KIRREL3: variants seen among roughly 807,000 people sequenced by gnomAD.
The protein encoded by KIRREL3 is kirre like nephrin family adhesion molecule 3, also known as kin of IRRE-like protein 3.
KIRREL3 carries 36 observed loss-of-function variants against 89.7 expected under a neutral mutation model. The ratio of observed to expected loss-of-function variants is 0.40; its 90% CI spans 0.31 to 0.53. KIRREL3 has a LOEUF of 0.53. Among genes scored for constraint, KIRREL3 ranks in the 20% least tolerant of loss-of-function variants. The probability of loss-of-function intolerance (pLI) is 0.49; values close to 1 mark genes in which losing one functional copy is unlikely to be tolerated. For missense variants in KIRREL3, 864 were observed against 1,056.6 expected (o/e 0.82, Z 2.53); for synonymous variants, 445 against 441.4 (o/e 1.01, Z -0.10).
rs1489706843 is a variant in KIRREL3, at chr11:126,896,716, C to T, written c.55+103739G>A. Among the ~76,000 whole-genome samples, 1 of 152,118 alleles carries T rather than the reference C, an allele frequency of 6.6e-6. No individual in the cohort carries two copies. Among genetic ancestry groups the T allele is most frequent in the African/African-American group, 2.4e-5 (1 of 41,434 alleles). On this transcript the variant is annotated intron_variant, in intron 1 of 16. Coordinates refer to ENST00000525144, the MANE Select transcript of KIRREL3 (RefSeq NM_032531.4). The surrounding 1 kb of genome is among the most constrained non-coding windows in gnomAD (Gnocchi z 4.1). The stretch of plus-strand genomic sequence containing the variant: ...TCTCAGACACCCAGGGGAGGGGTTC[C>T]ATGGCCACAGCAAGCTCTCTGGCAG...
intron 1 of KIRREL3, among the ~76,000 whole-genome samples, chr11:126,901,991 G>A (rs928214892): frequency 1.3e-5 from 2 of 152,156 alleles, no homozygotes; most frequent in African/African-American, 4.8e-5. Context: ...TCATAGGGCT[G>A]GGCCCTGCCT....
intron 1 of KIRREL3, among the ~76,000 whole-genome samples, chr11:126,633,227 G>A (rs1424582566): frequency 6.6e-6 from 1 of 152,166 alleles, no homozygotes; most frequent in African/African-American, 2.4e-5. Flanking sequence ...GGCCTGTTGT[G>A]GGGTGGGGGT....
In KIRREL3 at chr11:126,471,455, C is replaced by A. The variant is rs887487516; in HGVS notation, c.591+1854G>T. Reference sequence around the variant, plus strand: ...AAGACAGTTTGCTACTCATAGTTCCCAGAGGAAGGGGAGGCCCCAGGGTCA... The same window carrying A: ...AAGACAGTTTGCTACTCATAGTTCCAAGAGGAAGGGGAGGCCCCAGGGTCA... On this transcript the variant is annotated intron_variant, in intron 5 of 16. Transcript: ENST00000525144. This position sits in a 1 kb window ranked among gnomAD's most constrained non-coding sequence, Gnocchi z 5.4. 1.3e-5 allele frequency among the ~76,000 whole-genome samples: 2 copies of A among 151,678 alleles called. No homozygotes were observed. Among genetic ancestry groups the A allele is most frequent in the Non-Finnish European group, 2.9e-5 (2 of 67,866 alleles).
Position 126,747,459 on chromosome 11 carries a change from C to A in KIRREL3, c.56-184547G>T, listed in dbSNP as rs1436787266. 7.9e-5 allele frequency among the ~76,000 whole-genome samples: 12 copies of A among 152,150 alleles called. No homozygotes were observed. Among genetic ancestry groups the A allele is most frequent in the Non-Finnish European group, 5.9e-5 (4 of 68,032 alleles). On this transcript the variant is annotated intron_variant, in intron 1 of 16. Coordinates refer to ENST00000525144, the MANE Select transcript of KIRREL3 (RefSeq NM_032531.4). The surrounding 1 kb of genome is among the most constrained non-coding windows in gnomAD (Gnocchi z 4.7). ...ACCATTCTCTGATTAAGTCATGCAA[C>A]CTCATCGCCACTACCTGGGACTGTC...
chr11:126,851,108 T>C (rs1363426046), intron 1 of KIRREL3, among the ~76,000 whole-genome samples: 1 of 152,222 alleles, frequency 6.6e-6, no homozygotes, highest in Non-Finnish European at 1.5e-5. Flanking sequence ...AAAAGAATTC[T>C]GTATAAAGAA....
At chr11:126,433,134 C>A (rs989117287) in intron 13 of KIRREL3, among the ~76,000 whole-genome samples, 1 of 152,230 alleles carries the variant, frequency 6.6e-6, no homozygotes. Flanking sequence ...CCGCCTCAGC[C>A]TCCGAAAGTG....
In KIRREL3 at chr11:126,622,011, G is replaced by C. The variant is rs1424087224; in HGVS notation, c.56-59099C>G. 6.6e-6 allele frequency among the ~76,000 whole-genome samples: 1 copy of C among 152,152 alleles called. No individual in the cohort carries two copies. Among genetic ancestry groups the C allele is most frequent in the Non-Finnish European group, 1.5e-5 (1 of 68,038 alleles). On this transcript the variant is annotated intron_variant, in intron 1 of 16. Transcript: ENST00000525144. The surrounding 1 kb of genome is among the most constrained non-coding windows in gnomAD (Gnocchi z 5.2). ...GTACATTGTAGTCTCTGGGACTGTTGGTTGTATTTCTGGACAGTTGAGGTG... is the reference window on the plus strand; with the variant it reads ...GTACATTGTAGTCTCTGGGACTGTTCGTTGTATTTCTGGACAGTTGAGGTG...
At chr11:126,743,759 A>G (rs1299666150) in intron 1 of KIRREL3, among the ~76,000 whole-genome samples, 1 of 152,210 alleles carries the variant, frequency 6.6e-6, no homozygotes, top group East Asian at 1.9e-4. Context: ...TGATTATTAC[A>G]TGAGATAATC....
intron 10 of KIRREL3, 125 bp from the exon 11 acceptor site, chr11:126,440,674 A>C (rs1955529779): frequency 1.2e-6 from 1 of 869,266 alleles, no homozygotes; most frequent in Non-Finnish European, 1.9e-6. Flanking sequence ...GAAGGCCTGT[A>C]TGTGCAAGGT....
intron 12 of KIRREL3, among the ~76,000 whole-genome samples, chr11:126,435,784 CCA>C (rs1279256800): frequency 6.6e-6 from 1 of 152,104 alleles, no homozygotes; most frequent in Non-Finnish European, 1.5e-5. Context: ...CCAGCTGAGA[CCA>C]CCCACTTGGC....
chr11:126,984,480 C>T (rs1949802087), intron 1 of KIRREL3, among the ~76,000 whole-genome samples: 1 of 152,172 alleles, frequency 6.6e-6, no homozygotes, highest in Non-Finnish European at 1.5e-5. Context: ...AGGGGGGTCA[C>T]AGCCTATGGA....
chr11:126,752,207 TG>T lies in KIRREL3; in HGVS notation c.56-189296del, dbSNP rs915811539. 9.8e-6 allele frequency among the ~76,000 whole-genome samples: 1 copy of T among 102,390 alleles called. No homozygotes were observed. Among genetic ancestry groups the T allele is most frequent in the South Asian group, 2.7e-4 (1 of 3,652 alleles). 67.2% of individuals were successfully genotyped at this position (102,390 alleles called of 152,430 possible). ...TTTCCCAGGCTCAGCGTGGGTTGGT[TG>T]GGGGGGTTTCTTGAAGCATTGTAGC... On this transcript the variant is annotated intron_variant, in intron 1 of 16. Transcript: ENST00000525144. This position sits in a 1 kb window ranked among gnomAD's most constrained non-coding sequence, Gnocchi z 4.8.
chr11:126,812,485 G>T lies in KIRREL3; in HGVS notation c.55+187970C>A, dbSNP rs1951423753. 6.6e-6 allele frequency among the ~76,000 whole-genome samples: 1 copy of T among 152,168 alleles called. No individual in the cohort carries two copies. The highest frequency in any genetic ancestry group is 1.5e-5 in the Non-Finnish European group (1 of 68,040). On this transcript the variant is annotated intron_variant, in intron 1 of 16. Coordinates refer to ENST00000525144, the MANE Select transcript of KIRREL3 (RefSeq NM_032531.4). The surrounding 1 kb of genome is among the most constrained non-coding windows in gnomAD (Gnocchi z 5.2). Reference sequence around the variant, plus strand: ...GGTGAACCCTGAGCATCTTTCCCATGAAAGGCAAGACAGATGCACACGAGT... The same window carrying T: ...GGTGAACCCTGAGCATCTTTCCCATTAAAGGCAAGACAGATGCACACGAGT...
At chr11:126,821,629 G>A (rs528149987) in intron 1 of KIRREL3, among the ~76,000 whole-genome samples, 135 of 151,978 alleles carry the variant, frequency 8.9e-4, no homozygotes, top group East Asian at 6.2e-3. Flanking sequence ...TATGTTACAT[G>A]GCAAATGGGA....
intron 1 of KIRREL3, among the ~76,000 whole-genome samples, chr11:126,871,133 C>T (rs941497002): frequency 5.3e-5 from 8 of 152,180 alleles, no homozygotes; most frequent in East Asian, 1.9e-4. Context: ...CCTCAAACAG[C>T]GGTGTACTGC....
At chr11:126,927,193 G>A (rs779097816) in intron 1 of KIRREL3, among the ~76,000 whole-genome samples, 4 of 152,130 alleles carry the variant, frequency 2.6e-5, no homozygotes, top group Non-Finnish European at 5.9e-5. Flanking sequence ...GAAATGAAAA[G>A]CTCCCAACTG....
rs78226802 is a variant in KIRREL3, at chr11:126,498,597, G to A, written c.433+22718C>T. 0.012 allele frequency among the ~76,000 whole-genome samples: 1,791 copies of A among 152,256 alleles called. 31 individuals carry two copies. The highest frequency in any genetic ancestry group is 0.039 in the African/African-American group (1,629 of 41,520). On this transcript the variant is annotated intron_variant, in intron 4 of 16. Coordinates refer to ENST00000525144, the MANE Select transcript of KIRREL3 (RefSeq NM_032531.4). The surrounding 1 kb of genome is among the most constrained non-coding windows in gnomAD (Gnocchi z 4.3). ...TCCCAGAGAGGTGCTAATGGTCTCC[G>A]GGGCATGCCAAGTGTCACAGCCAGG...
chr11:126,913,386 A>T (rs1946902911), intron 1 of KIRREL3, among the ~76,000 whole-genome samples: 1 of 152,222 alleles, frequency 6.6e-6, no homozygotes, highest in Admixed American at 6.5e-5. Flanking sequence ...TTTTAGACTA[A>T]TGAAATGCAA....
Position 126,486,353 on chromosome 11 carries a change from T to C in KIRREL3, c.434-12887A>G, listed in dbSNP as rs559322513. On this transcript the variant is annotated intron_variant, in intron 4 of 16. Coordinates refer to ENST00000525144, the MANE Select transcript of KIRREL3 (RefSeq NM_032531.4). The surrounding 1 kb of genome is among the most constrained non-coding windows in gnomAD (Gnocchi z 6.2). ...AGTAGGGCTGGGGCAGGAAGGCCAGTGTGTGGTGCTGGGTGGCTTACACTC... is the reference window on the plus strand; with the variant it reads ...AGTAGGGCTGGGGCAGGAAGGCCAGCGTGTGGTGCTGGGTGGCTTACACTC... 2.0e-5 allele frequency among the ~76,000 whole-genome samples: 3 copies of C among 152,076 alleles called. No homozygotes were observed. The highest frequency in any genetic ancestry group is 2.0e-4 in the Admixed American group (3 of 15,274).
Sources: allele counts gnomAD v4.1 joint callset (sites outside exome capture counted in the v4.1 genomes callset), GRCh38; gene constraint gnomAD v4.1.1; non-coding constraint Gnocchi (gnomAD v3.1); transcripts MANE v1.5; gene names NCBI Gene and HGNC (gene_info 2026-07-23, HGNC 2026-07-21).